The following YARS2 variants were observed in gnomAD, a reference collection of about 807,000 sequenced individuals.
The protein encoded by YARS2 is tyrosine--tRNA ligase, mitochondrial.
In YARS2, 38 loss-of-function variants were observed where a neutral mutation model predicts 45.0. That is an observed-to-expected ratio of 0.84 (90% confidence interval 0.65 to 1.11). YARS2 has a LOEUF of 1.11. Among genes scored for constraint, YARS2 ranks in the 50% least tolerant of loss-of-function variants. The pLI, the probability that YARS2 is intolerant of heterozygous loss-of-function variation, is 0.00. For missense variants in YARS2, 602 were observed against 599.8 expected (o/e 1.00, Z -0.04); for synonymous variants, 287 against 245.1 (o/e 1.17, Z -1.60).
chr12:32,753,873 G>C, intron 2 of YARS2, 45 bp downstream of exon 2: 1 of 1,607,036 alleles, frequency 6.2e-7, no homozygotes, highest in Non-Finnish European at 8.5e-7. Context: ...ATTACATCAT[G>C]AGTTTATGGT....
chr12:32,755,532 C>T lies in YARS2; in HGVS notation c.343G>A (p.Ala115Thr). 1.2e-6 allele frequency: 2 copies of T among 1,613,238 alleles called. No homozygotes were observed. The highest frequency in any genetic ancestry group is 1.7e-6 in the Non-Finnish European group (2 of 1,179,756). Reference sequence around the variant, plus strand: ...CTCGGGTCTCCCAGGCGCGCCGTGGCGCCTCCCACCAGCGCGATCACGTTG... The same window carrying T: ...CTCGGGTCTCCCAGGCGCGCCGTGGTGCCTCCCACCAGCGCGATCACGTTG... Reference protein sequence around the residue: ...GHNVIALVGGATARLGDPSGR... With the variant: ...GHNVIALVGGTTARLGDPSGR... Residue 115 changes from alanine (A) to threonine (T), a missense_variant, in exon 1 of 5, where the codon GCC becomes ACC. Transcript: ENST00000324868.
chr12:32,747,024 T>G lies in YARS2; in HGVS notation c.*180A>C, dbSNP rs1955652363. On this transcript the variant is annotated 3_prime_UTR_variant, in exon 5 of 5. Transcript: ENST00000324868. ...GTACATCAGAAAATAAAACATCCCA[T>G]TATTAAACAAATATTTATTAACCGG... 17 of 600,972 alleles carry G rather than the reference T, an allele frequency of 2.8e-5. No homozygotes were observed. In the South Asian group the frequency reaches 3.6e-4, roughly 13 times the overall value. 37.2% of individuals were successfully genotyped at this position (600,972 alleles called of 1,614,324 possible).
rs1421237487 is a variant in YARS2 at position 32,755,386 on chromosome 12, G to A, written c.489C>T (p.Arg163=). ...ANHQQLFTDG[R]SWGSFTVLDN... Reference sequence around the variant, plus strand: ...CCAGCACAGTGAAGCTGCCCCAGGAGCGCCCATCAGTGAAAAGCTGCTGGT... The same window carrying A: ...CCAGCACAGTGAAGCTGCCCCAGGAACGCCCATCAGTGAAAAGCTGCTGGT... The change falls in exon 1 of 5, where the codon CGC becomes CGT. Residue 163 remains arginine (R), a synonymous_variant. Transcript: ENST00000324868. The A allele has an allele frequency of 2.5e-6, 4 of 1,613,834 alleles. No homozygotes were observed. The highest frequency in any genetic ancestry group is 3.4e-6 in the Non-Finnish European group (4 of 1,180,048).
intron 2 of YARS2, among the ~76,000 whole-genome samples, chr12:32,753,672 T>C (rs1339872474): frequency 6.6e-6 from 1 of 152,198 alleles, no homozygotes; most frequent in Non-Finnish European, 1.5e-5. Context: ...TCCTAAGAAC[T>C]TGCTAGATAC....
intron 2 of YARS2, among the ~76,000 whole-genome samples, chr12:32,751,143 T>C (rs1212805789): frequency 6.6e-6 from 1 of 151,424 alleles, no homozygotes; most frequent in African/African-American, 2.4e-5. Flanking sequence ...CATGGCTCAC[T>C]GTAACCTCAA....
At chr12:32,753,824 CA>C (rs766453892) in intron 2 of YARS2, 93 bp downstream of exon 2, 4 of 1,545,454 alleles carry the variant, frequency 2.6e-6, no homozygotes, top group Admixed American at 1.7e-5. Context: ...ACGTTAAAAA[CA>C]AAAAAACTAT....
chr12:32,748,268 C>G (rs1449306273), intron 4 of YARS2, among the ~76,000 whole-genome samples: 1 of 152,028 alleles, frequency 6.6e-6, no homozygotes, highest in Non-Finnish European at 1.5e-5. Flanking sequence ...CTCAGCCTCC[C>G]GAAGTGCTGG....
rs779609502 is a variant in YARS2 at position 32,749,932 on chromosome 12, C to T, written c.1274+5G>A. 4.0e-5 allele frequency: 64 copies of T among 1,613,904 alleles called. No homozygotes were observed. The highest frequency in any genetic ancestry group is 5.3e-5 in the Non-Finnish European group (63 of 1,179,982). ...ACTGTAAATCTAAAAGTTAAATAATCTTACCCTCGGGGACCATCTGGAATG... is the reference window on the plus strand; with the variant it reads ...ACTGTAAATCTAAAAGTTAAATAATTTTACCCTCGGGGACCATCTGGAATG... On this transcript the variant is annotated splice_donor_5th_base_variant and intron_variant, in intron 4 of 4. Transcript: ENST00000324868.
intron 3 of YARS2, 111 bp downstream of exon 3, chr12:32,750,608 C>CTGACAGTCCTTGTGATAAA (rs1441213668): frequency 7.1e-7 from 1 of 1,412,232 alleles, no homozygotes; most frequent in Admixed American, 1.8e-5. Flanking sequence ...AAGTCAAATA[C>CTGACAGTCCTTGTGATAAA]TGACAGTCCT....
chr12:32,751,004 A>G, intron 2 of YARS2, 130 bp from the exon 3 acceptor site: 2 of 1,046,926 alleles, frequency 1.9e-6, no homozygotes, highest in Non-Finnish European at 2.8e-6. Flanking sequence ...TACTGAACAT[A>G]GTAGGTCCCA....
chr12:32,755,353 C>A lies in YARS2; in HGVS notation c.522G>T (p.Ser174=). ...CCAGGTGCTGCTTCTGGTACCAGGC[C>A]GAGTTGTCCAGCACAGTGAAGCTGC... ...SWGSFTVLDN[S]AWYQKQHLVD... Residue 174 remains serine, a synonymous_variant, in exon 1 of 5, where the codon TCG becomes TCT. Coordinates refer to ENST00000324868, the MANE Select transcript of YARS2 (RefSeq NM_001040436.3). 2.5e-6 allele frequency: 4 copies of A among 1,614,088 alleles called. No homozygotes were observed. The highest frequency in any genetic ancestry group is 3.4e-6 in the Non-Finnish European group (4 of 1,180,044).
At chr12:32,748,061 G>A (rs1205977975) in intron 4 of YARS2, among the ~76,000 whole-genome samples, 1 of 152,198 alleles carries the variant, frequency 6.6e-6, no homozygotes, top group Non-Finnish European at 1.5e-5. Context: ...CTACAGCGTG[G>A]CTAGATCTTG....
chr12:32,749,477 G>A (rs1955698051), intron 4 of YARS2, among the ~76,000 whole-genome samples: 1 of 152,188 alleles, frequency 6.6e-6, no homozygotes, highest in South Asian at 2.1e-4. Flanking sequence ...AGTACTCTCA[G>A]GCTATACTTT....
At chr12:32,754,532 TACCA>T (rs1024450157) in intron 1 of YARS2, among the ~76,000 whole-genome samples, 1 of 152,150 alleles carries the variant, frequency 6.6e-6, no homozygotes, top group Non-Finnish European at 1.5e-5. Context: ...CTTTTTGAGA[TACCA>T]ACCAAGGACT....
intron 1 of YARS2, 131 bp downstream of exon 1, chr12:32,754,965 A>G: frequency 8.8e-7 from 1 of 1,131,862 alleles, no homozygotes; most frequent in Non-Finnish European, 1.3e-6. Context: ...GCCATTATAG[A>G]GCCTTAATGG....
chr12:32,755,172 G>A lies in YARS2; in HGVS notation c.703C>T (p.Arg235Cys), dbSNP rs1199433948. Residue 235 changes from arginine to cysteine, a missense_variant, in exon 1 of 5, where the codon CGT becomes TGT. Physicochemically the swap from Arg to Cys is radical, Grantham distance 180. Transcript: ENST00000324868. Reference protein sequence around the residue: ...QAYDFYYLFQRYGCRVQLGGS... With the variant: ...QAYDFYYLFQCYGCRVQLGGS... ...CCCAGCTGGACCCTGCATCCATAACGCTGGAAGAGGTAATAGAAGTCATAG... is the reference window on the plus strand; with the variant it reads ...CCCAGCTGGACCCTGCATCCATAACACTGGAAGAGGTAATAGAAGTCATAG... The A allele has an allele frequency of 6.2e-7, 1 of 1,614,190 alleles. No homozygotes were observed. The highest frequency in any genetic ancestry group is 8.5e-7 in the Non-Finnish European group (1 of 1,180,032).
intron 4 of YARS2, 123 bp from the exon 5 acceptor site, chr12:32,747,486 A>C: frequency 1.1e-6 from 1 of 936,176 alleles, no homozygotes; most frequent in Non-Finnish European, 1.7e-6. Flanking sequence ...TTGGCACTGG[A>C]CTGTTACCTT....
chr12:32,754,579 G>A (rs1316539846), intron 1 of YARS2, among the ~76,000 whole-genome samples: 1 of 152,208 alleles, frequency 6.6e-6, no homozygotes, highest in African/African-American at 2.4e-5. Flanking sequence ...CAGAGCTAAA[G>A]CAGAGGCTAG....
At chr12:32,750,205 T>TAAA in intron 3 of YARS2, 98 bp from the exon 4 acceptor site, 1 of 1,488,492 alleles carries the variant, frequency 6.7e-7, no homozygotes, top group Non-Finnish European at 9.1e-7. Context: ...AGTTCTAGAC[T>TAAA]AAAAGTTTTT....
Sources: allele counts gnomAD v4.1 joint callset (sites outside exome capture counted in the v4.1 genomes callset), GRCh38; gene constraint gnomAD v4.1.1; transcripts MANE v1.5; gene names NCBI Gene and HGNC (gene_info 2026-07-23, HGNC 2026-07-21).